The following SH3GL2 variants were observed in gnomAD, a reference collection of about 807,000 sequenced individuals.
SH3GL2 encodes the protein endophilin-A1.
In SH3GL2, 24 loss-of-function variants were observed where a neutral mutation model predicts 46.0. The ratio of observed to expected loss-of-function variants is 0.52; its 90% CI spans 0.38 to 0.73. The LOEUF (loss-of-function observed/expected upper bound fraction) is 0.73. Ranked by LOEUF, SH3GL2 falls within the 30% of genes least tolerant of loss-of-function variation. SH3GL2 has a pLI of 0.00. For synonymous variants in SH3GL2, 196 were observed against 147.1 expected (o/e 1.33, Z -2.40); for missense variants, 413 against 424.2 (o/e 0.97, Z 0.23).
At chr9:17,691,991 A>G (rs971308595) in intron 1 of SH3GL2, among the ~76,000 whole-genome samples, 3 of 152,122 alleles carry the variant, frequency 2.0e-5, no homozygotes, top group Non-Finnish European at 2.9e-5. Context: ...AATGCAATCT[A>G]TTTCTCAGAA....
rs1824258707 is a variant in SH3GL2, at chr9:17,795,771, C to T, written c.*28C>T. 1 of 1,573,870 alleles carries T rather than the reference C, an allele frequency of 6.4e-7. No individual in the cohort carries two copies. Among genetic ancestry groups the T allele is most frequent in the African/African-American group, 1.3e-5 (1 of 74,162 alleles). On this transcript the variant is annotated 3_prime_UTR_variant, in exon 9 of 9. Transcript: ENST00000380607. ...TGTTATGCTGGCTGGCTCGCCTCCT[C>T]TTGACCCAGATAGTTACGGTTAACC...
chr9:17,682,891 C>G (rs1296942001), intron 1 of SH3GL2, among the ~76,000 whole-genome samples: 1 of 151,960 alleles, frequency 6.6e-6, no homozygotes, highest in African/African-American at 2.4e-5. Flanking sequence ...TTATTGAAAC[C>G]AAAACTGACA....
chr9:17,746,766 G>C (rs2131130453), intron 1 of SH3GL2, among the ~76,000 whole-genome samples: 1 of 152,290 alleles, frequency 6.6e-6, no homozygotes. Flanking sequence ...ACTTTCAAGA[G>C]GAAAATGTTA....
chr9:17,590,215 C>T (rs1029679391), intron 1 of SH3GL2: 1 of 152,100 alleles, frequency 6.6e-6, no homozygotes, highest in African/African-American at 2.4e-5. Flanking sequence ...TGAATTTATA[C>T]CATTCATTAT....
At chr9:17,775,788 A>G (rs1228698429) in intron 3 of SH3GL2, among the ~76,000 whole-genome samples, 3 of 152,116 alleles carry the variant, frequency 2.0e-5, no homozygotes, top group Admixed American at 6.5e-5. Context: ...GTTTCCCCCA[A>G]CAGTCAGAAC....
At chr9:17,725,864 T>C (rs924107580) in intron 1 of SH3GL2, among the ~76,000 whole-genome samples, 5 of 152,072 alleles carry the variant, frequency 3.3e-5, no homozygotes, top group Admixed American at 1.3e-4. Flanking sequence ...CCTGCCCCTT[T>C]CAGGTGAAAC....
At chr9:17,777,696 G>A (rs1420185271) in intron 3 of SH3GL2, among the ~76,000 whole-genome samples, 1 of 152,004 alleles carries the variant, frequency 6.6e-6, no homozygotes, top group Non-Finnish European at 1.5e-5. Context: ...TGTGTGGAGG[G>A]AGAGAGATTG....
chr9:17,738,546 G>A (rs1588288795), intron 1 of SH3GL2, among the ~76,000 whole-genome samples: 2 of 35,940 alleles, frequency 5.6e-5, no homozygotes, highest in African/African-American at 1.4e-4. Flanking sequence ...ATATACATAA[G>A]TGTGTGTGTA....
At chr9:17,603,506 A>G (rs1396378882) in intron 1 of SH3GL2, among the ~76,000 whole-genome samples, 1 of 152,138 alleles carries the variant, frequency 6.6e-6, no homozygotes, top group East Asian at 1.9e-4. Flanking sequence ...ACGGGTACAG[A>G]GTTTCAGATG....
At chr9:17,622,119 T>A (rs1819154985) in intron 1 of SH3GL2, among the ~76,000 whole-genome samples, 1 of 152,230 alleles carries the variant, frequency 6.6e-6, no homozygotes, top group Non-Finnish European at 1.5e-5. Flanking sequence ...TCTGCATTCA[T>A]AAACAGTTGC....
chr9:17,675,663 C>T (rs1820588807), intron 1 of SH3GL2, among the ~76,000 whole-genome samples: 1 of 152,116 alleles, frequency 6.6e-6, no homozygotes, highest in South Asian at 2.1e-4. Flanking sequence ...ATGCTAATGC[C>T]AGGCCGGGTG....
chr9:17,687,877 G>T lies in SH3GL2; in HGVS notation c.46-59189G>T, dbSNP rs141671800. ...AATTTAGAAAGTAATTATCATATTT[G>T]TTACCATGGCGAGGATTGCTGCCTA... On this transcript the variant is annotated intron_variant, in intron 1 of 8. Coordinates refer to ENST00000380607, the MANE Select transcript of SH3GL2 (RefSeq NM_003026.5). Among the ~76,000 whole-genome samples, 190 of 152,160 alleles carry T rather than the reference G, an allele frequency of 1.2e-3. 6 individuals carry two copies. The East Asian group carries it at 0.027, about 22-fold the overall frequency.
intron 2 of SH3GL2, among the ~76,000 whole-genome samples, chr9:17,756,717 G>T (rs1002230000): frequency 6.6e-6 from 1 of 152,118 alleles, no homozygotes; most frequent in Non-Finnish European, 1.5e-5. Context: ...TCTTAATCCA[G>T]TCTATCATTG....
At chr9:17,732,691 G>A (rs1377329986) in intron 1 of SH3GL2, among the ~76,000 whole-genome samples, 1 of 152,102 alleles carries the variant, frequency 6.6e-6, no homozygotes, top group Non-Finnish European at 1.5e-5. Flanking sequence ...AGGCCTATAG[G>A]CAAAGGAAGG....
At chr9:17,628,980 C>CTT (rs5896753) in intron 1 of SH3GL2, among the ~76,000 whole-genome samples, 7 of 145,818 alleles carry the variant, frequency 4.8e-5, no homozygotes, top group Non-Finnish European at 6.1e-5. Flanking sequence ...ATTAAATTAC[C>CTT]TTTTTTTTTT....
intron 1 of SH3GL2, among the ~76,000 whole-genome samples, chr9:17,652,166 A>G (rs190088509): frequency 2.0e-5 from 3 of 152,100 alleles, no homozygotes; most frequent in Admixed American, 2.0e-4. Flanking sequence ...GTAAATCATT[A>G]TTATTTTCTA....
At chr9:17,741,345 C>T (rs1018809531) in intron 1 of SH3GL2, among the ~76,000 whole-genome samples, 1 of 152,000 alleles carries the variant, frequency 6.6e-6, no homozygotes, top group African/African-American at 2.4e-5. Flanking sequence ...AACTAAAATA[C>T]ATGTATTTAG....
chr9:17,725,812 C>G (rs1822007593), intron 1 of SH3GL2, among the ~76,000 whole-genome samples: 1 of 152,178 alleles, frequency 6.6e-6, no homozygotes, highest in Non-Finnish European at 1.5e-5. Flanking sequence ...GCTTCCACAA[C>G]ACATGGCTGG....
In SH3GL2 at chr9:17,758,252, A is replaced by G. The variant is rs139770677; in HGVS notation, c.115-3185A>G. 1.5e-3 allele frequency among the ~76,000 whole-genome samples: 229 copies of G among 152,156 alleles called. 1 individual carries two copies. The highest frequency in any genetic ancestry group is 5.3e-3 in the African/African-American group (219 of 41,536). ...TCCTCTTATGTCCATGAAGTCTATC[A>G]AGTAATTATCTGTAAGAATGCAGCC... On this transcript the variant is annotated intron_variant, in intron 2 of 8. Coordinates refer to ENST00000380607, the MANE Select transcript of SH3GL2 (RefSeq NM_003026.5).
Sources: allele counts gnomAD v4.1 joint callset (sites outside exome capture counted in the v4.1 genomes callset), GRCh38; gene constraint gnomAD v4.1.1; transcripts MANE v1.5; gene names NCBI Gene and HGNC (gene_info 2026-07-23, HGNC 2026-07-21).